Variants in N4BP2L2 observed in about 807,000 individuals in gnomAD.
The protein encoded by N4BP2L2 is NEDD4 binding protein 2 like 2.
In N4BP2L2, 50 loss-of-function variants were observed where a neutral mutation model predicts 56.2. The ratio of observed to expected loss-of-function variants is 0.89; its 90% confidence interval spans 0.71 to 1.13. N4BP2L2 has a LOEUF of 1.13. N4BP2L2 is among the 50% of genes most tolerant of loss of function. N4BP2L2 has a pLI of 0.00. For synonymous variants in N4BP2L2, 203 were observed against 223.6 expected (o/e 0.91, Z 0.82); for missense variants, 689 against 693.8 (o/e 0.99, Z 0.08).
At chr13:32,496,452 A>G (rs2088666954) in intron 6 of N4BP2L2, among the ~76,000 whole-genome samples, 1 of 152,240 alleles carries the variant, frequency 6.6e-6, no homozygotes, top group South Asian at 2.1e-4. Context: ...AGTTTAAAGC[A>G]TTACTAATAA....
At chr13:32,472,123 C>A (rs1465055148) in intron 6 of N4BP2L2, among the ~76,000 whole-genome samples, 1 of 152,114 alleles carries the variant, frequency 6.6e-6, no homozygotes, top group Non-Finnish European at 1.5e-5. Flanking sequence ...CTGTCCTGAA[C>A]TCTTAACAAA....
At chr13:32,537,049 C>G in intron 1 of N4BP2L2, 22 bp from the exon 2 acceptor site, 3 of 1,401,486 alleles carry the variant, frequency 2.1e-6, no homozygotes, top group East Asian at 2.4e-5. Flanking sequence ...ATAAATCATA[C>G]AATTACTAGC....
chr13:32,434,252 T>TC (rs1461955797), intron 9 of N4BP2L2, among the ~76,000 whole-genome samples: 3 of 141,708 alleles, frequency 2.1e-5, no homozygotes, highest in African/African-American at 5.3e-5. Context: ...AATTTTCTTT[T>TC]TTTCTTTTTT....
chr13:32,483,690 A>G (rs572800353), intron 6 of N4BP2L2, among the ~76,000 whole-genome samples: 25 of 152,248 alleles, frequency 1.6e-4, no homozygotes, highest in Non-Finnish European at 2.8e-4. Context: ...ATAATAATTT[A>G]GTAATTTTAT....
intron 6 of N4BP2L2, among the ~76,000 whole-genome samples, chr13:32,450,590 C>T (rs1184111530): frequency 6.6e-6 from 1 of 151,592 alleles, no homozygotes; most frequent in African/African-American, 2.4e-5. Flanking sequence ...TCCCAAAGTG[C>T]TGGGATTAGA....
At chr13:32,536,121 T>C (rs771544594) in exon 2 of N4BP2L2, 79 of 1,614,024 alleles carry the variant, frequency 4.9e-5, no homozygotes, top group African/African-American at 1.3e-4. Flanking sequence ...TGGAAAATAT[T>C]TGATGGTGGA....
At chr13:32,529,321 T>C (rs2053969209) in intron 2 of N4BP2L2, among the ~76,000 whole-genome samples, 1 of 152,252 alleles carries the variant, frequency 6.6e-6, no homozygotes, top group South Asian at 2.1e-4. Flanking sequence ...CAAACCTCTA[T>C]TTCCACTTAC....
intron 2 of N4BP2L2, among the ~76,000 whole-genome samples, chr13:32,534,727 T>C (rs1252771529): frequency 6.6e-6 from 1 of 152,212 alleles, no homozygotes; most frequent in Non-Finnish European, 1.5e-5. Flanking sequence ...GTTTAGATTG[T>C]CTTGTTAGTA....
chr13:32,455,053 CAG>C (rs2078735313), intron 6 of N4BP2L2, among the ~76,000 whole-genome samples: 1 of 152,180 alleles, frequency 6.6e-6, no homozygotes, highest in South Asian at 2.1e-4. Flanking sequence ...AGCACTGCTC[CAG>C]AGAGGGAGCT....
intron 6 of N4BP2L2, among the ~76,000 whole-genome samples, chr13:32,488,412 T>A (rs1448637683): frequency 6.6e-6 from 1 of 151,940 alleles, no homozygotes; most frequent in Non-Finnish European, 1.5e-5. Context: ...TACTAGAGGG[T>A]AGAGGGATGA....
intron 6 of N4BP2L2, among the ~76,000 whole-genome samples, chr13:32,497,375 C>G (rs1003825408): frequency 1.3e-5 from 2 of 152,200 alleles, no homozygotes; most frequent in African/African-American, 4.8e-5. Flanking sequence ...TCCTTGCTCC[C>G]AAGATTTTAG....
chr13:32,466,684 A>G (rs1200618301), intron 6 of N4BP2L2, among the ~76,000 whole-genome samples: 1 of 152,062 alleles, frequency 6.6e-6, no homozygotes, highest in African/African-American at 2.4e-5. Flanking sequence ...CAAATACAAA[A>G]CTCAAGATAG....
intron 5 of N4BP2L2, among the ~76,000 whole-genome samples, chr13:32,520,735 T>C (rs2050645174): frequency 6.6e-6 from 1 of 150,798 alleles, no homozygotes; most frequent in Non-Finnish European, 1.5e-5. Flanking sequence ...AAGGTAAAGA[T>C]AGGTACAAAT....
rs1006626130 is a variant in N4BP2L2, at chr13:32,533,204, T to A, written c.1259+2565A>T. On this transcript the variant is annotated intron_variant, in intron 2 of 5. Transcript: ENST00000267068. ...CTTCTCAAATTCATACAAAAATTCC[T>A]TTGGGATTTTGGTTAAAGTTTCACT... is the stretch of plus-strand genomic sequence containing the variant. Among the ~76,000 whole-genome samples the A allele has an allele frequency of 2.0e-5, 3 of 152,188 alleles. No individual in the cohort carries two copies. In the East Asian group the frequency reaches 5.8e-4, roughly 29 times the overall value.
chr13:32,509,183 A>G (rs2091401017), downstream of N4BP2L2: 1 of 152,148 alleles, frequency 6.6e-6, no homozygotes, highest in African/African-American at 2.4e-5. Context: ...CGTTTCCTAT[A>G]CAGGTTGAGC....
chr13:32,504,022 A>C (rs1185274738), intron 6 of N4BP2L2, among the ~76,000 whole-genome samples: 3 of 152,220 alleles, frequency 2.0e-5, no homozygotes, highest in African/African-American at 7.2e-5. Context: ...TAAATAAAAA[A>C]GAGTCTTGTC....
At chr13:32,489,638 A>G (rs2086624564) in intron 6 of N4BP2L2, among the ~76,000 whole-genome samples, 1 of 152,208 alleles carries the variant, frequency 6.6e-6, no homozygotes, top group South Asian at 2.1e-4. Context: ...TGCTGTACGC[A>G]TATAAACTAC....
chr13:32,519,815 A>T (rs188810199), intron 5 of N4BP2L2, among the ~76,000 whole-genome samples: 67 of 152,350 alleles, frequency 4.4e-4, no homozygotes, highest in African/African-American at 1.6e-3. Flanking sequence ...TACACCAGGT[A>T]TCAGTTAAAC....
chr13:32,482,513 A>G (rs77526049), intron 6 of N4BP2L2, among the ~76,000 whole-genome samples: 2 of 119,630 alleles, frequency 1.7e-5, no homozygotes, highest in African/African-American at 7.5e-5. Flanking sequence ...ATGACCAGCT[A>G]ATTTTTTTTT....
Sources: allele counts gnomAD v4.1 joint callset (sites outside exome capture counted in the v4.1 genomes callset), GRCh38; gene constraint gnomAD v4.1.1; transcripts MANE v1.5; gene names NCBI Gene and HGNC (gene_info 2026-07-23, HGNC 2026-07-21).